Variants in NRG3 observed in about 807,000 individuals in gnomAD.
NRG3 encodes the protein neuregulin 3.
A neutral mutation model predicts 66.9 loss-of-function variants in NRG3; 31 were observed. That is an observed-to-expected ratio of 0.46 (90% CI 0.35 to 0.63). NRG3 has a LOEUF of 0.63. Ranked by LOEUF, NRG3 falls within the 20% of genes least tolerant of loss-of-function variation. The probability of loss-of-function intolerance (pLI) is 0.00; values close to 1 mark genes in which losing one functional copy is unlikely to be tolerated. For missense variants in NRG3, 910 were observed against 878.9 expected (o/e 1.04, Z -0.45); for synonymous variants, 393 against 359.4 (o/e 1.09, Z -1.06).
At chr10:82,146,585 A>G (rs144376641) in intron 1 of NRG3, among the ~76,000 whole-genome samples, 1 of 152,092 alleles carries the variant, frequency 6.6e-6, no homozygotes, top group Non-Finnish European at 1.5e-5. Context: ...AACAGCGTGC[A>G]CCCTGATGTG....
intron 2 of NRG3, among the ~76,000 whole-genome samples, chr10:82,667,821 G>A (rs967067805): frequency 7.2e-5 from 11 of 152,160 alleles, no homozygotes; most frequent in African/African-American, 2.7e-4. Context: ...GCTCTCAAGA[G>A]CCCTTCTAGC....
At chr10:82,790,726 G>A (rs1240051244) in intron 3 of NRG3, among the ~76,000 whole-genome samples, 1 of 151,778 alleles carries the variant, frequency 6.6e-6, no homozygotes, top group Non-Finnish European at 1.5e-5. Context: ...GTGATTGATG[G>A]TACCACATAG....
intron 4 of NRG3, among the ~76,000 whole-genome samples, chr10:82,922,359 A>T (rs905846868): frequency 6.6e-6 from 1 of 152,190 alleles, no homozygotes; most frequent in Non-Finnish European, 1.5e-5. Flanking sequence ...CATTCAAACC[A>T]TCTGAATTGA....
intron 1 of NRG3, among the ~76,000 whole-genome samples, chr10:82,055,931 TAAG>T (rs1466226952): frequency 6.6e-6 from 1 of 152,110 alleles, no homozygotes; most frequent in Non-Finnish European, 1.5e-5. Context: ...TCTTAGGAAA[TAAG>T]AAGCACAGGT....
chr10:82,661,162 C>A (rs2052328796), intron 2 of NRG3, among the ~76,000 whole-genome samples: 1 of 152,082 alleles, frequency 6.6e-6, no homozygotes, highest in African/African-American at 2.4e-5. Flanking sequence ...GACAATTACT[C>A]ACTGGGCTCT....
At chr10:82,867,331 T>C (rs1417431307) in intron 4 of NRG3, among the ~76,000 whole-genome samples, 1 of 152,236 alleles carries the variant, frequency 6.6e-6, no homozygotes, top group East Asian at 1.9e-4. Context: ...GCATACCCAA[T>C]GCTTAAAAGA....
intron 3 of NRG3, among the ~76,000 whole-genome samples, chr10:82,770,679 G>A (rs1420329600): frequency 6.6e-6 from 1 of 152,086 alleles, no homozygotes; most frequent in Non-Finnish European, 1.5e-5. Flanking sequence ...CATCAGAATG[G>A]ACACCAGGGT....
chr10:82,845,079 C>T (rs538125871), intron 3 of NRG3, among the ~76,000 whole-genome samples: 48 of 152,242 alleles, frequency 3.2e-4, no homozygotes, highest in Admixed American at 1.8e-3. Flanking sequence ...CTCTTGAACC[C>T]GGGACGCAGA....
intron 2 of NRG3, among the ~76,000 whole-genome samples, chr10:82,727,216 A>C (rs1478043799): frequency 6.6e-6 from 1 of 152,270 alleles, no homozygotes; most frequent in Middle Eastern, 3.2e-3. Context: ...AGAAATTTGC[A>C]TAAGTAACAA....
chr10:82,452,488 A>C (rs886346643), intron 2 of NRG3, among the ~76,000 whole-genome samples: 1 of 152,192 alleles, frequency 6.6e-6, no homozygotes, highest in Non-Finnish European at 1.5e-5. Context: ...TTGCATTACA[A>C]GTTGAAATTC....
intron 1 of NRG3, among the ~76,000 whole-genome samples, chr10:82,147,208 A>G (rs765825822): frequency 6.6e-6 from 1 of 152,158 alleles, no homozygotes; most frequent in Non-Finnish European, 1.5e-5. Context: ...TCTCACATCA[A>G]CCATGTGAGA....
At chr10:82,408,085 C>CAGAAAGAAAGAAAGAAAGAA (rs71009807) in intron 2 of NRG3, among the ~76,000 whole-genome samples, 23 of 74,852 alleles carry the variant, frequency 3.1e-4, no homozygotes, top group Admixed American at 8.3e-4. Context: ...GAGAGAGAGA[C>CAGAAAGAAAGAAAGAAAGAA]AGAAAGAAAG....
chr10:81,963,587 G>A (rs1272792155), intron 1 of NRG3, among the ~76,000 whole-genome samples: 4 of 152,156 alleles, frequency 2.6e-5, no homozygotes, highest in African/African-American at 9.7e-5. Context: ...TTAATCCTTA[G>A]CAATGTAATT....
intron 2 of NRG3, among the ~76,000 whole-genome samples, chr10:82,554,614 G>C (rs941402543): frequency 1.3e-5 from 2 of 152,216 alleles, no homozygotes; most frequent in Middle Eastern, 3.4e-3. Context: ...TATTTCAAAG[G>C]CTGTTATGGT....
intron 1 of NRG3, among the ~76,000 whole-genome samples, chr10:81,933,777 A>AT (rs1169939135): frequency 6.6e-6 from 1 of 152,082 alleles, no homozygotes; most frequent in Non-Finnish European, 1.5e-5. Flanking sequence ...CATTCAGTAT[A>AT]TTTTTTATAG....
intron 1 of NRG3, among the ~76,000 whole-genome samples, chr10:81,909,022 A>G (rs1267301263): frequency 6.6e-6 from 1 of 152,156 alleles, no homozygotes; most frequent in African/African-American, 2.4e-5. Flanking sequence ...ATTCTCTCAT[A>G]GGACCTGAGG....
At chr10:82,413,491 A>G (rs1485482391) in intron 2 of NRG3, among the ~76,000 whole-genome samples, 2 of 152,170 alleles carry the variant, frequency 1.3e-5, no homozygotes, top group African/African-American at 4.8e-5. Flanking sequence ...CATAATTCTT[A>G]ATGACCTTAC....
At chr10:82,681,179 A>C (rs2054088245) in intron 2 of NRG3, among the ~76,000 whole-genome samples, 1 of 152,220 alleles carries the variant, frequency 6.6e-6, no homozygotes, top group Non-Finnish European at 1.5e-5. Flanking sequence ...AGAAGGTGGC[A>C]ATTAAGGAAC....
intron 1 of NRG3, among the ~76,000 whole-genome samples, chr10:81,930,722 G>A (rs1018823869): frequency 1.3e-5 from 2 of 152,290 alleles, no homozygotes; most frequent in Middle Eastern, 3.4e-3. Context: ...GGAGAGGGGA[G>A]AAGGTGCATC....
Sources: gnomAD v4.1 joint callset for allele counts (sites outside exome capture counted in the v4.1 genomes callset) on GRCh38, gnomAD v4.1.1 for gene constraint, MANE v1.5 for transcripts, NCBI Gene and HGNC (gene_info 2026-07-23, HGNC 2026-07-21) for gene names.